AP2B1: variants seen among roughly 807,000 people sequenced by gnomAD.
AP2B1 encodes AP-2 complex subunit beta.
In AP2B1, 23 loss-of-function variants were observed where a neutral mutation model predicts 102.0. The ratio of observed to expected loss-of-function variants is 0.23; its 90% CI spans 0.16 to 0.32. The LOEUF (loss-of-function observed/expected upper bound fraction) is 0.32. Among genes scored for constraint, AP2B1 ranks in the 10% least tolerant of loss-of-function variants. The probability of loss-of-function intolerance (pLI) is 1.00; values close to 1 mark genes in which losing one functional copy is unlikely to be tolerated. For missense variants in AP2B1, 541 were observed against 1,157.4 expected, an observed-to-expected ratio of 0.47 and a Z score of 7.73; for synonymous variants, 381 against 421.2, an observed-to-expected ratio of 0.90 and a Z score of 1.17.
In AP2B1 at chr17:35,624,616, G is replaced by T. The variant is rs375404651; in HGVS notation, c.716+29G>T. The stretch of plus-strand genomic sequence containing the variant: ...AGTCTGTTTTCCTGGCTACTTTCTG[G>T]TAGTCTTGCCTGATGCAGTAAGTTC... On this transcript the variant is annotated intron_variant, in intron 6 of 21. Transcript: ENST00000610402. 3.8e-6 allele frequency: 6 copies of T among 1,598,194 alleles called. No individual in the cohort carries two copies. The Admixed American group carries it at 8.7e-5, about 23-fold the overall frequency.
At chr17:35,643,027 C>CT (rs541834442) in intron 12 of AP2B1, among the ~76,000 whole-genome samples, 3,351 of 140,264 alleles carry the variant, frequency 0.024, 38 homozygotes, top group African/African-American at 0.035. Flanking sequence ...CCCCCACAGC[C>CT]TTTTTTTTTT....
intron 21 of AP2B1, among the ~76,000 whole-genome samples, chr17:35,722,457 T>C (rs2085428695): frequency 6.6e-6 from 1 of 152,264 alleles, no homozygotes; most frequent in South Asian, 2.1e-4. Context: ...ATTAAAGCTG[T>C]AAATCAATAG....
rs775909100 is a variant in AP2B1 at position 35,627,491 on chromosome 17, G to T, written c.1045G>T (p.Ala349Ser). ...CATCATGATTCGTTTGGCATCTCAA[G>T]CCAACATTGCTCAGGTCAGACTTTA... ...LDIMIRLASQ[A>S]NIAQVLAELK... is the part of the protein sequence containing the mutation. The change falls in exon 8 of 22, where the codon GCC becomes TCC. Residue 349 changes from alanine (A) to serine (S), a missense_variant. Physicochemically the swap from Ala to Ser is moderately conservative, Grantham distance 99. This residue lies in a region of AP2B1 where 134 missense variants were observed against 250.2 expected (regional missense o/e 0.54). Transcript: ENST00000610402. The T allele has an allele frequency of 6.2e-7, 1 of 1,614,064 alleles. No homozygotes were observed. Among genetic ancestry groups the T allele is most frequent in the Non-Finnish European group, 8.5e-7 (1 of 1,179,996 alleles).
At chr17:35,695,414 T>A (rs2076122157) in intron 18 of AP2B1, among the ~76,000 whole-genome samples, 1 of 152,142 alleles carries the variant, frequency 6.6e-6, no homozygotes, top group Admixed American at 6.5e-5. Context: ...CTGGGTTCCC[T>A]GTGAGGCACA....
At chr17:35,605,279 G>A (rs1218527420) in intron 3 of AP2B1, among the ~76,000 whole-genome samples, 6 of 141,068 alleles carry the variant, frequency 4.3e-5, no homozygotes, top group African/African-American at 1.3e-4. Flanking sequence ...CAGGAGTCTC[G>A]CTCTTGTTGC....
chr17:35,598,129 G>A (rs2073353815), intron 2 of AP2B1, 101 bp from the exon 3 acceptor site: 1 of 491,268 alleles, frequency 2.0e-6, no homozygotes, highest in African/African-American at 1.9e-5. Context: ...TCTTATTTTA[G>A]TTGCTGCCCT....
At chr17:35,604,870 A>T (rs2073614689) in intron 3 of AP2B1, among the ~76,000 whole-genome samples, 1 of 152,222 alleles carries the variant, frequency 6.6e-6, no homozygotes, top group Non-Finnish European at 1.5e-5. Flanking sequence ...TTCATAATAA[A>T]AAGCTTTTTC....
rs550587642 is a variant in AP2B1, at chr17:35,641,197, A to G, written c.1438-680A>G. Among the ~76,000 whole-genome samples the G allele has an allele frequency of 2.0e-4, 30 of 152,256 alleles. No homozygotes were observed. The South Asian group carries it at 6.0e-3, about 31-fold the overall frequency. ...ACAGATGATTCCATAATTCCCCCCAAATTGTAGCTTTTGGTAGAAGTAAAT... is the reference window on the plus strand; with the variant it reads ...ACAGATGATTCCATAATTCCCCCCAGATTGTAGCTTTTGGTAGAAGTAAAT... On this transcript the variant is annotated intron_variant, in intron 11 of 21. Transcript: ENST00000610402.
At chr17:35,662,068 C>G (rs2142905128) in intron 14 of AP2B1, among the ~76,000 whole-genome samples, 1 of 152,262 alleles carries the variant, frequency 6.6e-6, no homozygotes, top group Admixed American at 6.5e-5. Flanking sequence ...AGTAGTGACT[C>G]TCAACATTGG....
At chr17:35,664,889 A>C (rs1437788417) in intron 14 of AP2B1, among the ~76,000 whole-genome samples, 1 of 152,176 alleles carries the variant, frequency 6.6e-6, no homozygotes, top group Non-Finnish European at 1.5e-5. Context: ...TGACCATTCT[A>C]AGGACTTTTT....
chr17:35,682,790 C>T lies in AP2B1; in HGVS notation c.2420C>T (p.Pro807Leu). The change falls in exon 18 of 22, where the codon CCA becomes CTA. Residue 807 changes from proline (P) to leucine (L), a missense_variant. Pro to Leu is a moderately conservative substitution (Grantham distance 98). Coordinates refer to ENST00000610402, the MANE Select transcript of AP2B1 (RefSeq NM_001030006.2). ...DVSLPLNTLG[P>L]VMKMEPLNNL... ...TCCCTGCCTCTCAATACCTTGGGCC[C>T]AGTCATGAAGATGGAACCTCTGAAT... The T allele has an allele frequency of 6.2e-7, 1 of 1,612,702 alleles. No individual in the cohort carries two copies. The highest frequency in any genetic ancestry group is 8.5e-7 in the Non-Finnish European group (1 of 1,179,012).
chr17:35,712,903 G>A (rs192432705), intron 20 of AP2B1, among the ~76,000 whole-genome samples: 1 of 152,326 alleles, frequency 6.6e-6, no homozygotes, highest in East Asian at 1.9e-4. Flanking sequence ...CACTCTCCGA[G>A]AGAGAACAGA....
chr17:35,615,603 GACTTA>G (rs1232538428), intron 5 of AP2B1, among the ~76,000 whole-genome samples: 1 of 152,132 alleles, frequency 6.6e-6, no homozygotes, highest in African/African-American at 2.4e-5. Flanking sequence ...AAAACTTAAT[GACTTA>G]ACTTTATTTA....
chr17:35,621,329 G>A (rs1031810337), intron 5 of AP2B1: 8 of 985,234 alleles, frequency 8.1e-6, no homozygotes, highest in South Asian at 4.7e-5. Flanking sequence ...AGAGAAACTC[G>A]GCTTACGGAC....
At chr17:35,688,669 A>G (rs1258308198) in intron 18 of AP2B1, among the ~76,000 whole-genome samples, 3 of 151,940 alleles carry the variant, frequency 2.0e-5, no homozygotes, top group Admixed American at 6.6e-5. Context: ...ACTTTTTAAA[A>G]CCTTGTTTAT....
At chr17:35,656,789 G>A (rs12150473) in intron 13 of AP2B1, among the ~76,000 whole-genome samples, 20,240 of 151,376 alleles carry the variant, frequency 0.13, 1,356 homozygotes, top group Middle Eastern at 0.15. Flanking sequence ...GGAGGCTGAG[G>A]CAGGAGAATG....
chr17:35,611,606 GC>G (rs1431262933), intron 5 of AP2B1, among the ~76,000 whole-genome samples: 1 of 152,184 alleles, frequency 6.6e-6, no homozygotes, highest in Non-Finnish European at 1.5e-5. Context: ...AGTTTACATT[GC>G]AAAGGAGAGA....
chr17:35,614,452 A>G (rs985297124), intron 5 of AP2B1, among the ~76,000 whole-genome samples: 7 of 152,062 alleles, frequency 4.6e-5, no homozygotes, highest in Non-Finnish European at 7.4e-5. Flanking sequence ...AGCCTCTCAA[A>G]GTACTGAGAT....
intron 21 of AP2B1, among the ~76,000 whole-genome samples, chr17:35,723,034 T>C (rs879980477): frequency 6.6e-6 from 1 of 152,216 alleles, no homozygotes. Context: ...GATTAAGCTG[T>C]TGATGTGAAT....
Sources: gnomAD v4.1 joint callset for allele counts (sites outside exome capture counted in the v4.1 genomes callset) on GRCh38, gnomAD v4.1.1 for gene constraint, gnomAD v4.1.1 regional missense constraint, MANE v1.5 for transcripts, NCBI Gene and HGNC (gene_info 2026-07-23, HGNC 2026-07-21) for gene names.